STAG2: variants seen among roughly 807,000 people sequenced by gnomAD.
STAG2 encodes STAG2 cohesin complex component.
STAG2 carries 14 observed loss-of-function variants against 108.1 expected under a neutral mutation model. That is an observed-to-expected ratio of 0.13 (90% CI 0.09 to 0.20). The LOEUF (loss-of-function observed/expected upper bound fraction) is 0.20, where lower values mean the gene tolerates loss of function less well. Among genes scored for constraint, STAG2 ranks in the 10% least tolerant of loss-of-function variants. STAG2 has a pLI of 1.00. For missense variants in STAG2, 440 were observed against 940.9 expected (o/e 0.47, Z 6.96); for synonymous variants, 307 against 302.7 (o/e 1.01, Z -0.15).
rs200822376 is a variant in STAG2, at chrX:124,063,099, A to G, written c.1732-17A>G. Reference sequence around the variant, plus strand: ...TTCTTATTGTGATATTTTTAACGTGATCTTTATATTTCACAGTACTCTGTA... The same window carrying G: ...TTCTTATTGTGATATTTTTAACGTGGTCTTTATATTTCACAGTACTCTGTA... On this transcript the variant is annotated splice_polypyrimidine_tract_variant and intron_variant, in intron 18 of 34. Transcript: ENST00000371145. 204 of 1,187,893 alleles carry G rather than the reference A, an allele frequency of 1.7e-4. 1 individual carries two copies. The African/African-American group carries it at 3.2e-3, about 19-fold the overall frequency.
chrX:124,091,331 T>C (rs1194632867), intron 32 of STAG2, among the ~76,000 whole-genome samples: 2 of 111,296 alleles, frequency 1.8e-5, no homozygotes, highest in Non-Finnish European at 3.8e-5. Context: ...TTTTCTTCCC[T>C]CAAATCTCCC....
At chrX:123,996,633 A>G (rs994887879) in intron 1 of STAG2, among the ~76,000 whole-genome samples, 1 of 111,709 alleles carries the variant, frequency 9.0e-6, no homozygotes, top group Admixed American at 9.5e-5. Flanking sequence ...TGTCATATAC[A>G]TGGAGTCATA....
At position 124,083,489 on chromosome X, in the gene STAG2, C is replaced by A; in HGVS notation, c.2993C>A (p.Ala998Glu). 1 of 1,198,334 alleles carries A rather than the reference C, an allele frequency of 8.3e-7. No individual in the cohort carries two copies. Among genetic ancestry groups the A allele is most frequent in the African/African-American group, 1.7e-5 (1 of 57,482 alleles). Residue 998 changes from alanine to glutamate, a missense_variant, in exon 29 of 35, where the codon GCA (alanine) becomes GAA (glutamate). By Grantham distance (107) the Ala-to-Glu change is moderately radical. This residue lies in a region of STAG2 where 337 missense variants were observed against 649.3 expected (regional missense o/e 0.52). Transcript: ENST00000371145. The part of the protein sequence containing the change: ...QGESHPPLNL[A>E]FLDILSEFSS... Reference sequence around the variant, plus strand: ...GAGAGCCATCCACCTTTAAATTTGGCATTTCTTGATATTCTGAGTGAATTT... The same window carrying A: ...GAGAGCCATCCACCTTTAAATTTGGAATTTCTTGATATTCTGAGTGAATTT...
At chrX:124,047,614 T>G in intron 9 of STAG2, 109 bp downstream of exon 9, 1 of 652,505 alleles carries the variant, frequency 1.5e-6, no homozygotes, top group Middle Eastern at 5.0e-4. Flanking sequence ...AATATTTAAA[T>G]GTAAATAACA....
chrX:123,969,621 C>G (rs1289597533), intron 1 of STAG2, among the ~76,000 whole-genome samples: 1 of 110,025 alleles, frequency 9.1e-6, no homozygotes, highest in Non-Finnish European at 1.9e-5. Context: ...CATTAGTGAT[C>G]GGTATCTTAG....
intron 4 of STAG2, among the ~76,000 whole-genome samples, chrX:124,028,822 ATT>A (rs767163177): frequency 0.21 from 8,026 of 38,704 alleles, 392 homozygotes; most frequent in South Asian, 0.41. Flanking sequence ...ATATATATAT[ATT>A]TTTTTTTTTA....
chrX:124,020,002 A>C (rs980497757), intron 1 of STAG2, among the ~76,000 whole-genome samples: 1 of 112,714 alleles, frequency 8.9e-6, no homozygotes, highest in Non-Finnish European at 1.9e-5. Context: ...CTTGAGAGAT[A>C]CATCTTACAT....
At chrX:124,072,904 C>CTTTTTTTTTTTTTTTTTTTTT (rs779996801) in intron 25 of STAG2, among the ~76,000 whole-genome samples, 4 of 72,695 alleles carry the variant, frequency 5.5e-5, no homozygotes, top group Non-Finnish European at 1.0e-4. Context: ...TTCTTTCTTT[C>CTTTTTTTTTTTTTTTTTTTTT]TTTTTTTTTT....
chrX:123,976,049 C>T (rs945709103), intron 1 of STAG2, among the ~76,000 whole-genome samples: 1 of 111,949 alleles, frequency 8.9e-6, no homozygotes, highest in Non-Finnish European at 1.9e-5. Context: ...CTTTGGGAGG[C>T]AGAGGTAGGA....
At chrX:124,048,882 G>A in intron 9 of STAG2, 123 bp from the exon 10 acceptor site, 1 of 520,170 alleles carries the variant, frequency 1.9e-6, no homozygotes, top group Non-Finnish European at 3.3e-6. Flanking sequence ...CTGTTGTCTA[G>A]TATAATTCAA....
Position 124,086,641 on chromosome X carries a change from G to A in STAG2, c.3148G>A (p.Ala1050Thr), listed in dbSNP as rs2148465738. 1 of 1,211,229 alleles carries A rather than the reference G, an allele frequency of 8.3e-7. No homozygotes were observed. Among genetic ancestry groups the A allele is most frequent in the East Asian group, 3.0e-5 (1 of 33,861 alleles). The change falls in exon 30 of 35, where the codon GCT (alanine) becomes ACT (threonine). Residue 1050 changes from alanine to threonine, a missense_variant. Physicochemically the swap from Ala to Thr is moderately conservative, Grantham distance 58. Around this residue, in one of 3 missense-constraint regions of STAG2, gnomAD observed 337 missense variants for 649.3 expected, o/e 0.52. Transcript: ENST00000371145. ...PLMSYRNSLLAGGDDDTMSVI... is the reference protein window; with the variant it reads ...PLMSYRNSLLTGGDDDTMSVI... ...GATGTCTTACCGAAATTCTTTGCTA[G>A]CTGGTGGTGATGATGACACCATGTC... is the stretch of plus-strand genomic sequence containing the variant.
chrX:124,062,167 G>A (rs1182457686), intron 17 of STAG2, among the ~76,000 whole-genome samples: 1 of 111,268 alleles, frequency 9.0e-6, no homozygotes, highest in Non-Finnish European at 1.9e-5. Context: ...TTATGGATTT[G>A]CTTTCTATTT....
rs1238960989 is a variant in STAG2 at position 124,025,305 on chromosome X, A to C, written c.45-535A>C. Among the ~76,000 whole-genome samples, 6 of 111,814 alleles carry C rather than the reference A, an allele frequency of 5.4e-5. No individual in the cohort carries two copies. In the Admixed American group the frequency reaches 5.7e-4, roughly 11 times the overall value. ...TAGCATAATTCCCTAGTGTATTTCA[A>C]ATGCTTTAGTTTATAAAAAGGTTTT... On this transcript the variant is annotated intron_variant, in intron 3 of 34. Coordinates refer to ENST00000371145, the MANE Select transcript of STAG2 (RefSeq NM_001042750.2).
intron 1 of STAG2, among the ~76,000 whole-genome samples, chrX:124,011,134 T>C (rs2056507935): frequency 9.0e-6 from 1 of 111,725 alleles, no homozygotes; most frequent in Non-Finnish European, 1.9e-5. Flanking sequence ...TTTACAGTTT[T>C]TGATGCTGTT....
intron 1 of STAG2, among the ~76,000 whole-genome samples, chrX:124,014,979 CTTTTTT>C (rs34997317): frequency 8.7e-3 from 389 of 44,473 alleles, no homozygotes; most frequent in Middle Eastern, 0.043. Context: ...ACGTACTTTT[CTTTTTT>C]TTTTTTTTTT....
chrX:124,078,111 G>A (rs1312290689), intron 27 of STAG2, 53 bp downstream of exon 27: 43 of 875,057 alleles, frequency 4.9e-5, no homozygotes, highest in Non-Finnish European at 6.8e-5. Context: ...CTAATAGTTA[G>A]CAAAATAAGG....
chrX:124,058,119 AAT>A (rs2058264642), intron 15 of STAG2, 142 bp downstream of exon 15: 4 of 279,878 alleles, frequency 1.4e-5, no homozygotes, highest in African/African-American at 9.0e-5. Context: ...CCACTCCCCC[AAT>A]TTTTTTTTTT....
intron 33 of STAG2, among the ~76,000 whole-genome samples, chrX:124,095,118 C>T (rs760964586): frequency 5.4e-5 from 6 of 111,362 alleles, no homozygotes; most frequent in East Asian, 5.6e-4. Flanking sequence ...TAGTAGAGGC[C>T]GGGTTTCACC....
intron 1 of STAG2, among the ~76,000 whole-genome samples, chrX:123,991,336 A>C (rs2055448653): frequency 9.0e-6 from 1 of 111,273 alleles, no homozygotes; most frequent in Non-Finnish European, 1.9e-5. Context: ...GTCATTTTCC[A>C]CTAAGTAATA....
Sources: allele counts gnomAD v4.1 joint callset (sites outside exome capture counted in the v4.1 genomes callset), GRCh38; gene constraint gnomAD v4.1.1; regional missense constraint gnomAD v4.1.1; transcripts MANE v1.5; gene names NCBI Gene and HGNC (gene_info 2026-07-23, HGNC 2026-07-21).